Variants in DNAH11 observed in about 807,000 individuals in gnomAD.
DNAH11 encodes dynein axonemal heavy chain 11, also known as axonemal beta dynein heavy chain 11.
Under a neutral mutation model 526.0 loss-of-function variants are expected in DNAH11, and 442 were observed. That is an observed-to-expected ratio of 0.84 (90% CI 0.78 to 0.91). The LOEUF (loss-of-function observed/expected upper bound fraction) is 0.91. DNAH11 is among the 40% of genes least tolerant of loss of function. DNAH11 has a pLI of 0.00. For missense variants in DNAH11, 6,989 were observed against 5,448.7 expected (o/e 1.28, Z -8.90); for synonymous variants, 2,461 against 1,935.9 (o/e 1.27, Z -7.12).
intron 65 of DNAH11, among the ~76,000 whole-genome samples, chr7:21,823,210 A>T (rs1010959240): frequency 1.3e-5 from 2 of 152,028 alleles, no homozygotes; most frequent in East Asian, 3.9e-4. Flanking sequence ...GCTTTTTCAA[A>T]TAAACAGGCA....
intron 65 of DNAH11, among the ~76,000 whole-genome samples, chr7:21,839,226 A>G (rs1473931216): frequency 2.0e-5 from 3 of 152,198 alleles, no homozygotes; most frequent in Non-Finnish European, 4.4e-5. Flanking sequence ...TTATAGAAAC[A>G]TGACTGAATA....
chr7:21,615,054 A>C lies in DNAH11; in HGVS notation c.3853-60A>C, dbSNP rs889991261. The C allele has an allele frequency of 2.0e-6, 3 of 1,509,236 alleles. No individual in the cohort carries two copies. In the African/African-American group the frequency reaches 4.3e-5, roughly 21 times the overall value. The allele number at this position is 1,509,236 out of a possible 1,614,324, so 93.5% of individuals were successfully genotyped here. On this transcript the variant is annotated intron_variant, in intron 20 of 81. Transcript: ENST00000409508. Reference sequence around the variant, plus strand: ...AATGTCGAGATAACCAGAGCTACAGAACTGCATGTCTTCTCTTTCTCTGGC... The same window carrying C: ...AATGTCGAGATAACCAGAGCTACAGCACTGCATGTCTTCTCTTTCTCTGGC...
At chr7:21,863,835 T>C (rs1394979519) in intron 69 of DNAH11, among the ~76,000 whole-genome samples, 2 of 152,214 alleles carry the variant, frequency 1.3e-5, no homozygotes, top group Admixed American at 6.5e-5. Flanking sequence ...GTGCATGTTA[T>C]CACTCATAAC....
At chr7:21,733,637 T>C (rs1785483025) in intron 45 of DNAH11, among the ~76,000 whole-genome samples, 1 of 152,042 alleles carries the variant, frequency 6.6e-6, no homozygotes, top group Non-Finnish European at 1.5e-5. Context: ...CTATGAGGAG[T>C]TTGTACTCTT....
intron 28 of DNAH11, among the ~76,000 whole-genome samples, chr7:21,648,673 C>A (rs113536571): frequency 6.6e-6 from 1 of 152,014 alleles, no homozygotes; most frequent in African/African-American, 2.4e-5. Flanking sequence ...TAAATCTTGG[C>A]GTGTTTTGTT....
intron 14 of DNAH11, among the ~76,000 whole-genome samples, chr7:21,595,343 C>G (rs559738686): frequency 6.6e-6 from 1 of 152,320 alleles, no homozygotes; most frequent in East Asian, 1.9e-4. Flanking sequence ...TTTTCACATT[C>G]AAATTTTGGG....
Position 21,786,774 on chromosome 7 carries a change from G to T in DNAH11, c.9741+7G>T, listed in dbSNP as rs766603317. 6.2e-7 allele frequency: 1 copy of T among 1,613,532 alleles called. No homozygotes were observed. The highest frequency in any genetic ancestry group is 1.3e-5 in the African/African-American group (1 of 75,056). ...TAAAGTCTTCATGGGAAAGGTATCA[G>T]CCCAGCCTGGCAAGATGAAAATCCT... On this transcript the variant is annotated splice_region_variant and intron_variant, in intron 59 of 81. Transcript: ENST00000409508.
At chr7:21,578,258 A>G (rs1270149268) in intron 8 of DNAH11, among the ~76,000 whole-genome samples, 1 of 152,226 alleles carries the variant, frequency 6.6e-6, no homozygotes, top group Non-Finnish European at 1.5e-5. Context: ...GTATTGGGTA[A>G]ATATTCCCCT....
chr7:21,725,739 C>T (rs971363401), intron 44 of DNAH11, 72 bp from the exon 45 acceptor site: 1 of 1,452,650 alleles, frequency 6.9e-7, no homozygotes. Flanking sequence ...TATTGTTACT[C>T]ATAATTTGTT....
intron 30 of DNAH11, among the ~76,000 whole-genome samples, chr7:21,669,626 T>C (rs998727854): frequency 1.3e-5 from 2 of 150,768 alleles, no homozygotes; most frequent in African/African-American, 4.9e-5. Flanking sequence ...TGGCTAGTGC[T>C]TTTTGTGTCT....
intron 54 of DNAH11, 55 bp downstream of exon 54, chr7:21,750,419 C>G (rs1786364542): frequency 6.5e-7 from 1 of 1,547,862 alleles, no homozygotes; most frequent in Non-Finnish European, 8.7e-7. Context: ...TTGCAACTCT[C>G]TGGTTCTATT....
intron 61 of DNAH11, among the ~76,000 whole-genome samples, chr7:21,793,177 A>G (rs1011922352): frequency 1.3e-5 from 2 of 152,180 alleles, no homozygotes; most frequent in East Asian, 3.8e-4. Context: ...ATAGTTGCCA[A>G]CTTTCCTCTT....
At chr7:21,802,356 G>A (rs1789032190) in intron 62 of DNAH11, among the ~76,000 whole-genome samples, 1 of 152,118 alleles carries the variant, frequency 6.6e-6, no homozygotes, top group Non-Finnish European at 1.5e-5. Flanking sequence ...AAACGCTATG[G>A]GGAAATGCTG....
intron 76 of DNAH11, 35 bp downstream of exon 76, chr7:21,884,445 T>A: frequency 6.3e-7 from 1 of 1,575,202 alleles, no homozygotes; most frequent in Non-Finnish European, 8.6e-7. Context: ...TAAATAAATT[T>A]CACTGAGCAA....
intron 14 of DNAH11, among the ~76,000 whole-genome samples, chr7:21,593,618 G>A (rs1055928170): frequency 2.6e-5 from 4 of 152,122 alleles, no homozygotes; most frequent in South Asian, 2.1e-4. Context: ...AGACAGGAGC[G>A]CGGAGCATTC....
intron 18 of DNAH11, among the ~76,000 whole-genome samples, chr7:21,604,754 A>G (rs1240571489): frequency 6.6e-6 from 1 of 152,194 alleles, no homozygotes; most frequent in African/African-American, 2.4e-5. Flanking sequence ...GAAGAGGGAT[A>G]AGGGGACCTG....
At chr7:21,789,174 T>C in intron 60 of DNAH11, 67 bp from the exon 61 acceptor site, 1 of 1,119,086 alleles carries the variant, frequency 8.9e-7, no homozygotes, top group Non-Finnish European at 1.3e-6. Context: ...TTGTAAAGCA[T>C]CCATCCTATC....
At position 21,684,061 on chromosome 7, in the gene DNAH11, T is replaced by C. The variant is rs56368800; in HGVS notation, c.5621+117T>C. 0.14 allele frequency: 153,242 copies of C among 1,060,330 alleles called. 11,830 individuals are homozygous for C. Among genetic ancestry groups the C allele is most frequent in the Non-Finnish European group, 0.16 (118,090 of 751,090 alleles). 65.7% of individuals were successfully genotyped at this position (1,060,330 alleles called of 1,614,324 possible). On this transcript the variant is annotated intron_variant, in intron 32 of 81. Coordinates refer to ENST00000409508, the MANE Select transcript of DNAH11 (RefSeq NM_001277115.2). ...TGAACAATGAACTATGTGAAAGTGGTGAAGAGAATTGAATTAGAGAAACAG... is the reference window on the plus strand; with the variant it reads ...TGAACAATGAACTATGTGAAAGTGGCGAAGAGAATTGAATTAGAGAAACAG...
At chr7:21,557,853 C>G (rs899439167) in intron 2 of DNAH11, among the ~76,000 whole-genome samples, 1 of 152,190 alleles carries the variant, frequency 6.6e-6, no homozygotes, top group African/African-American at 2.4e-5. Context: ...GTTCCAGGAT[C>G]TCACCTACTG....
Sources: allele counts gnomAD v4.1 joint callset (sites outside exome capture counted in the v4.1 genomes callset), GRCh38; gene constraint gnomAD v4.1.1; transcripts MANE v1.5; gene names NCBI Gene and HGNC (gene_info 2026-07-23, HGNC 2026-07-21).